Variants in WWOX observed in about 807,000 individuals in gnomAD.
WWOX encodes WW domain-containing oxidoreductase.
In WWOX, 69 loss-of-function variants were observed where a neutral mutation model predicts 46.2. The observed-to-expected ratio is 1.49, with a 90% CI of 1.23 to 1.82. The LOEUF is 1.82. Ranked by LOEUF, WWOX falls within the 40% of genes most tolerant of loss-of-function variation. The probability of loss-of-function intolerance (pLI) is 0.00; values close to 1 mark genes in which losing one functional copy is unlikely to be tolerated. For missense variants in WWOX, 919 were observed against 542.6 expected (o/e 1.69, Z -6.89); for synonymous variants, 359 against 202.6 (o/e 1.77, Z -6.56).
In WWOX at chr16:78,866,454, A is replaced by G. The variant is rs906766945; in HGVS notation, c.1057-345154A>G. Among the ~76,000 whole-genome samples, 14 of 151,690 alleles carry G rather than the reference A, an allele frequency of 9.2e-5. 1 individual carries two copies. Among genetic ancestry groups the G allele is most frequent in the Admixed American group, 6.6e-5 (1 of 15,224 alleles). On this transcript the variant is annotated intron_variant, in intron 8 of 8. Transcript: ENST00000566780. ...TCCCGTGCTATTTTTTTTTTCTTGC[A>G]TATCAGCTGTGTGGGTACCTCTTGT...
chr16:78,651,330 C>T (rs1263827809), intron 8 of WWOX, among the ~76,000 whole-genome samples: 1 of 152,166 alleles, frequency 6.6e-6, no homozygotes, highest in East Asian at 1.9e-4. Flanking sequence ...TCCTTTGTGT[C>T]TACAGAAAAG....
At chr16:78,945,392 C>T (rs906454336) in intron 8 of WWOX, among the ~76,000 whole-genome samples, 5 of 152,066 alleles carry the variant, frequency 3.3e-5, no homozygotes, top group African/African-American at 1.2e-4. Context: ...TGAAATCCAC[C>T]CTTAGTTTTA....
chr16:78,410,329 C>T (rs188256673), intron 6 of WWOX, among the ~76,000 whole-genome samples: 1 of 152,146 alleles, frequency 6.6e-6, no homozygotes, highest in Non-Finnish European at 1.5e-5. Context: ...AAGGTCTTAC[C>T]CTTGATCACG....
At chr16:79,010,695 C>G (rs766098143) in intron 8 of WWOX, among the ~76,000 whole-genome samples, 1 of 151,862 alleles carries the variant, frequency 6.6e-6, no homozygotes, top group Non-Finnish European at 1.5e-5. Context: ...AGGAAGGCTT[C>G]CAGGCAGAGG....
chr16:78,260,958 T>C (rs1347598217), intron 5 of WWOX, among the ~76,000 whole-genome samples: 2 of 148,814 alleles, frequency 1.3e-5, no homozygotes, highest in Non-Finnish European at 3.0e-5. Context: ...AAAAAAAAAG[T>C]TATTGATTAA....
chr16:78,713,894 G>T (rs1173920325), intron 8 of WWOX, among the ~76,000 whole-genome samples: 2 of 152,160 alleles, frequency 1.3e-5, no homozygotes, highest in African/African-American at 4.8e-5. Flanking sequence ...TTGGGGTGAT[G>T]GAACAGAAAC....
At chr16:78,749,514 G>A (rs976919346) in intron 8 of WWOX, among the ~76,000 whole-genome samples, 1 of 152,064 alleles carries the variant, frequency 6.6e-6, no homozygotes, top group African/African-American at 2.4e-5. Flanking sequence ...ATGTTTTGTT[G>A]TTGTTACAAT....
At chr16:78,985,922 C>T (rs79644429) in intron 8 of WWOX, among the ~76,000 whole-genome samples, 1,696 of 152,358 alleles carry the variant, frequency 0.011, 36 homozygotes, top group African/African-American at 0.038. Flanking sequence ...CTCATACAAA[C>T]ACCTTGACTG....
At chr16:78,425,633 A>G (rs572457677) in intron 7 of WWOX, among the ~76,000 whole-genome samples, 1 of 152,316 alleles carries the variant, frequency 6.6e-6, no homozygotes, top group Non-Finnish European at 1.5e-5. Flanking sequence ...CAATTGACTG[A>G]AAAGGACATT....
chr16:78,309,497 C>T (rs35595703), intron 5 of WWOX, among the ~76,000 whole-genome samples: 9,342 of 152,202 alleles, frequency 0.061, 792 homozygotes, highest in African/African-American at 0.19. Context: ...TTTGAGTTGT[C>T]CTTCCTTTAT....
At chr16:78,549,529 C>T (rs548102398) in intron 8 of WWOX, among the ~76,000 whole-genome samples, 1 of 152,212 alleles carries the variant, frequency 6.6e-6, no homozygotes, top group South Asian at 2.1e-4. Context: ...TTCTGTGTGT[C>T]TCCTTTTTGT....
chr16:78,142,967 C>T (rs932308723), intron 4 of WWOX, among the ~76,000 whole-genome samples: 1 of 152,148 alleles, frequency 6.6e-6, no homozygotes, highest in African/African-American at 2.4e-5. Context: ...CATCTTAATT[C>T]ATTTAAGTTG....
chr16:79,021,431 C>T (rs528570432), intron 8 of WWOX, among the ~76,000 whole-genome samples: 3 of 152,168 alleles, frequency 2.0e-5, no homozygotes, highest in Non-Finnish European at 2.9e-5. Flanking sequence ...ACATAAAACG[C>T]ACGGGATCAC....
chr16:78,312,306 TTCTC>T (rs1449902874), intron 5 of WWOX, among the ~76,000 whole-genome samples: 5 of 152,112 alleles, frequency 3.3e-5, no homozygotes, highest in African/African-American at 1.2e-4. Flanking sequence ...TTTAGCTTCT[TTCTC>T]CGTTGAAAAC....
intron 5 of WWOX, among the ~76,000 whole-genome samples, chr16:78,311,043 A>G (rs2080232906): frequency 6.6e-6 from 1 of 152,190 alleles, no homozygotes; most frequent in Non-Finnish European, 1.5e-5. Context: ...GTCTGACTTA[A>G]TTTGTGATTT....
At chr16:78,389,622 A>G (rs1003027499) in intron 6 of WWOX, among the ~76,000 whole-genome samples, 5 of 152,188 alleles carry the variant, frequency 3.3e-5, no homozygotes, top group Admixed American at 1.3e-4. Flanking sequence ...TACTATACAG[A>G]TAAGGAAAGT....
At chr16:78,639,717 C>T (rs968580059) in intron 8 of WWOX, among the ~76,000 whole-genome samples, 5 of 152,126 alleles carry the variant, frequency 3.3e-5, no homozygotes, top group African/African-American at 1.2e-4. Flanking sequence ...GTGCCCGCCA[C>T]CACGCCCAGC....
At chr16:78,679,270 G>T (rs754224817) in intron 8 of WWOX, among the ~76,000 whole-genome samples, 3 of 152,220 alleles carry the variant, frequency 2.0e-5, no homozygotes, top group Non-Finnish European at 2.9e-5. Context: ...GGGTGAGGTG[G>T]CTGGGTGCAG....
At chr16:79,128,662 G>T (rs1044032812) in intron 8 of WWOX, among the ~76,000 whole-genome samples, 2 of 152,170 alleles carry the variant, frequency 1.3e-5, no homozygotes, top group Admixed American at 1.3e-4. Flanking sequence ...CTCAACTGAG[G>T]AATTCTAATG....
Sources: gnomAD v4.1 joint callset for allele counts (sites outside exome capture counted in the v4.1 genomes callset) on GRCh38, gnomAD v4.1.1 for gene constraint, MANE v1.5 for transcripts, NCBI Gene and HGNC (gene_info 2026-07-23, HGNC 2026-07-21) for gene names.